The following GOLGA7B variants were observed in gnomAD, a reference collection of about 807,000 sequenced individuals.
The protein encoded by GOLGA7B is golgin A7 family member B.
A neutral mutation model predicts 21.5 loss-of-function variants in GOLGA7B; 17 were observed. That is an observed-to-expected ratio of 0.79 (90% CI 0.54 to 1.19). The LOEUF is 1.19. GOLGA7B is among the 50% of genes most tolerant of loss of function. The probability of loss-of-function intolerance (pLI) is 0.00; values close to 1 mark genes in which losing one functional copy is unlikely to be tolerated. For synonymous variants in GOLGA7B, 87 were observed against 84.0 expected (o/e 1.04, Z -0.19); for missense variants, 169 against 224.4 (o/e 0.75, Z 1.58).
rs893439346 is a variant in GOLGA7B at position 97,868,091 on chromosome 10, G to T, written c.*2391G>T. The T allele has an allele frequency of 6.6e-6, 1 of 152,254 alleles. No individual in the cohort carries two copies. The highest frequency in any genetic ancestry group is 1.5e-5 in the Non-Finnish European group (1 of 68,046). 9.4% of individuals were successfully genotyped at this position (152,254 alleles called of 1,614,324 possible). A position where few individuals can be genotyped will look rare whatever the true frequency, so the allele number is the denominator to read the frequency against. On this transcript the variant is annotated 3_prime_UTR_variant, in exon 5 of 5. Transcript: ENST00000370602. ...ACAGGTCACTCAGTACTGAAGATGA[G>T]AAAGTAGCTGGATGATCACTTCTCG...
At position 97,871,053 on chromosome 10, in the gene GOLGA7B, T is replaced by C. The variant is rs2050087936; in HGVS notation, c.*5353T>C. 6.6e-6 allele frequency: 1 copy of C among 152,212 alleles called. No individual in the cohort carries two copies. Among genetic ancestry groups the C allele is most frequent in the African/African-American group, 2.4e-5 (1 of 41,450 alleles). 9.4% of individuals were successfully genotyped at this position (152,212 alleles called of 1,614,324 possible). On this transcript the variant is annotated 3_prime_UTR_variant, in exon 5 of 5. Transcript: ENST00000370602. ...AGATGCTTGGTAATGTCGGTTTCTT[T>C]CCTTCCTTTCAGAGCCCAGCCTTCG...
intron 1 of GOLGA7B, among the ~76,000 whole-genome samples, chr10:97,858,297 G>A (rs2049948833): frequency 6.6e-6 from 1 of 152,172 alleles, no homozygotes; most frequent in African/African-American, 2.4e-5. Context: ...CCTCCCTGGA[G>A]CTCACAGACT....
intron 2 of GOLGA7B, among the ~76,000 whole-genome samples, chr10:97,860,553 A>G (rs1377177107): frequency 6.6e-6 from 1 of 152,114 alleles, no homozygotes; most frequent in Admixed American, 6.5e-5. Context: ...GGGTTTTGCC[A>G]TGTTGCCCAG....
At position 97,871,518 on chromosome 10, in the gene GOLGA7B, T is replaced by G. The variant is rs2050093370; in HGVS notation, c.*5818T>G. On this transcript the variant is annotated 3_prime_UTR_variant, in exon 5 of 5. Transcript: ENST00000370602. ...GCAGGCTTCAGATTCTGGCATAGAA[T>G]AAACAGATATTTATCCAAGGGTTCA... 6.6e-6 allele frequency: 1 copy of G among 152,252 alleles called. No individual in the cohort carries two copies. Among genetic ancestry groups the G allele is most frequent in the Non-Finnish European group, 1.5e-5 (1 of 68,042 alleles). 9.4% of individuals were successfully genotyped at this position (152,252 alleles called of 1,614,324 possible). A position where few individuals can be genotyped will look rare whatever the true frequency, so the allele number is the denominator to read the frequency against.
At chr10:97,853,993 T>C (rs2049919856) in intron 1 of GOLGA7B, among the ~76,000 whole-genome samples, 2 of 152,222 alleles carry the variant, frequency 1.3e-5, no homozygotes, top group Non-Finnish European at 2.9e-5. Context: ...TAAAAATGTA[T>C]TGGAAATATT....
At chr10:97,853,139 G>A (rs1166610818) in intron 1 of GOLGA7B, among the ~76,000 whole-genome samples, 1 of 152,182 alleles carries the variant, frequency 6.6e-6, no homozygotes, top group Non-Finnish European at 1.5e-5. Context: ...ACTGGGTCAG[G>A]CTTGAGCACT....
intron 1 of GOLGA7B, among the ~76,000 whole-genome samples, chr10:97,853,863 C>T (rs2049919099): frequency 6.6e-6 from 1 of 152,240 alleles, no homozygotes; most frequent in South Asian, 2.1e-4. Context: ...CCTGGCTTAG[C>T]TCTTGCCCAA....
At chr10:97,864,390 C>A in intron 4 of GOLGA7B, 121 bp downstream of exon 4, 2 of 729,450 alleles carry the variant, frequency 2.7e-6, no homozygotes, top group South Asian at 1.7e-5. Flanking sequence ...CCAGGATTCC[C>A]CACATCAGTG....
At position 97,871,256 on chromosome 10, in the gene GOLGA7B, G is replaced by T. The variant is rs1340497566; in HGVS notation, c.*5556G>T. 6.6e-6 allele frequency: 1 copy of T among 152,178 alleles called. No individual in the cohort carries two copies. Among genetic ancestry groups the T allele is most frequent in the African/African-American group, 2.4e-5 (1 of 41,432 alleles). The allele number at this position is 152,178 out of a possible 1,614,324, so 9.4% of individuals were successfully genotyped here. A position where few individuals can be genotyped will look rare whatever the true frequency, so the allele number is the denominator to read the frequency against. On this transcript the variant is annotated 3_prime_UTR_variant, in exon 5 of 5. Coordinates refer to ENST00000370602, the MANE Select transcript of GOLGA7B (RefSeq NM_001010917.3). ...CATGCAGGATCCTGGAGCTGCGTCG[G>T]GTTTTGAATCAGGGACAATGGAGGA...
At position 97,865,791 on chromosome 10, in the gene GOLGA7B, G is replaced by A. The variant is rs371879673; in HGVS notation, c.*91G>A. 4 of 1,165,132 alleles carry A rather than the reference G, an allele frequency of 3.4e-6. No homozygotes were observed. Among genetic ancestry groups the A allele is most frequent in the South Asian group, 2.9e-5 (2 of 67,852 alleles). 72.2% of individuals were successfully genotyped at this position (1,165,132 alleles called of 1,614,324 possible). A position where few individuals can be genotyped will look rare whatever the true frequency, so the allele number is the denominator to read the frequency against. ...GCGCTACCAGAGCACCCGCTTCTGAGTCATTCTTTGGGCTCACCCTGCTGC... is the reference window on the plus strand; with the variant it reads ...GCGCTACCAGAGCACCCGCTTCTGAATCATTCTTTGGGCTCACCCTGCTGC... On this transcript the variant is annotated 3_prime_UTR_variant, in exon 5 of 5. Transcript: ENST00000370602.
At chr10:97,852,462 A>G (rs772344946) in intron 1 of GOLGA7B, among the ~76,000 whole-genome samples, 4 of 152,190 alleles carry the variant, frequency 2.6e-5, no homozygotes, top group Non-Finnish European at 5.9e-5. Context: ...CTCTGATGGC[A>G]GAACTGAGGC....
intron 2 of GOLGA7B, among the ~76,000 whole-genome samples, chr10:97,860,551 C>T (rs1564865936): frequency 6.6e-6 from 1 of 152,094 alleles, no homozygotes; most frequent in Non-Finnish European, 1.5e-5. Flanking sequence ...CGGGGTTTTG[C>T]CATGTTGCCC....
At position 97,855,173 on chromosome 10, in the gene GOLGA7B, T is replaced by G. The variant is rs1456327476; in HGVS notation, c.13-4285T>G. Among the ~76,000 whole-genome samples the G allele has an allele frequency of 2.6e-5, 4 of 152,322 alleles. No homozygotes were observed. In the East Asian group the frequency reaches 7.7e-4, roughly 29 times the overall value. On this transcript the variant is annotated intron_variant, in intron 1 of 4. Transcript: ENST00000370602. ...CTTCAGGACAGCACACAAATATGTG[T>G]GTACACATGTGTGCATTCAGGCACA...
intron 1 of GOLGA7B, among the ~76,000 whole-genome samples, chr10:97,853,301 C>T (rs1010560624): frequency 3.9e-5 from 6 of 152,200 alleles, no homozygotes; most frequent in Non-Finnish European, 8.8e-5. Context: ...TTCTCGATGC[C>T]TCACATGCAT....
Position 97,850,225 on chromosome 10 carries a change from C to A in GOLGA7B, c.-79C>A, listed in dbSNP as rs548741268. 120 of 1,132,110 alleles carry A rather than the reference C, an allele frequency of 1.1e-4. No individual in the cohort carries two copies. The African/African-American group carries it at 1.9e-3, about 18-fold the overall frequency. 70.1% of individuals were successfully genotyped at this position (1,132,110 alleles called of 1,614,324 possible). ...GGCCCCAGCTCGCCGCCACCGCCGC[C>A]GCCCACCTGCTCCCGGGGTCAGCAC... On this transcript the variant is annotated 5_prime_UTR_variant, in exon 1 of 5. Coordinates refer to ENST00000370602, the MANE Select transcript of GOLGA7B (RefSeq NM_001010917.3).
In GOLGA7B at chr10:97,859,562, C is replaced by T; in HGVS notation, c.117C>T (p.Phe39=). The stretch of plus-strand genomic sequence containing the variant: ...CCATCTGTCAGTTCCAGACCAAATT[C>T]CCCCCAGAGCTGGACAGCCGGGTAA... The part of the protein sequence containing the change: ...DGTICQFQTK[F]PPELDSRIER... The change falls in exon 2 of 5, where the codon TTC becomes TTT. Residue 39 remains phenylalanine, a synonymous_variant. Coordinates refer to ENST00000370602, the MANE Select transcript of GOLGA7B (RefSeq NM_001010917.3). 6.2e-7 allele frequency: 1 copy of T among 1,613,964 alleles called. No homozygotes were observed. The highest frequency in any genetic ancestry group is 8.5e-7 in the Non-Finnish European group (1 of 1,179,898).
rs183604274 is a variant in GOLGA7B, at chr10:97,863,499, G to C, written c.139-431G>C. 2.6e-5 allele frequency among the ~76,000 whole-genome samples: 4 copies of C among 152,264 alleles called. No individual in the cohort carries two copies. The East Asian group carries it at 7.7e-4, about 29-fold the overall frequency. On this transcript the variant is annotated intron_variant, in intron 2 of 4. Coordinates refer to ENST00000370602, the MANE Select transcript of GOLGA7B (RefSeq NM_001010917.3). ...ATGCAGTCCCATCCAAACATGGAGA[G>C]CCCCTATGAATCTAGTCCTGAGCTC...
At chr10:97,854,566 G>C (rs1289427473) in intron 1 of GOLGA7B, among the ~76,000 whole-genome samples, 2 of 152,170 alleles carry the variant, frequency 1.3e-5, no homozygotes, top group African/African-American at 4.8e-5. Context: ...CAACTCCTCA[G>C]AGTTGCTCCT....
chr10:97,858,563 C>G (rs889001187), intron 1 of GOLGA7B, among the ~76,000 whole-genome samples: 1 of 152,238 alleles, frequency 6.6e-6, no homozygotes, highest in East Asian at 1.9e-4. Flanking sequence ...TCCCCTCAAA[C>G]ACTAGAGTCT....
Sources: allele counts gnomAD v4.1 joint callset (sites outside exome capture counted in the v4.1 genomes callset), GRCh38; gene constraint gnomAD v4.1.1; transcripts MANE v1.5; gene names NCBI Gene and HGNC (gene_info 2026-07-23, HGNC 2026-07-21).